GRM3: variants seen among roughly 807,000 people sequenced by gnomAD.
GRM3 encodes glutamate metabotropic receptor 3, also known as metabotropic glutamate receptor 3.
GRM3 carries 26 observed loss-of-function variants against 70.5 expected under a neutral mutation model. That is an observed-to-expected ratio of 0.37 (90% confidence interval 0.27 to 0.51). The LOEUF (loss-of-function observed/expected upper bound fraction) is 0.51, where lower values mean the gene tolerates loss of function less well. Ranked by LOEUF, GRM3 falls within the 20% of genes least tolerant of loss-of-function variation. The pLI is 0.93. For synonymous variants in GRM3, 443 were observed against 434.9 expected (o/e 1.02, Z -0.23); for missense variants, 859 against 1,123.8 (o/e 0.76, Z 3.37).
chr7:86,763,644 A>G (rs1347875697), intron 1 of GRM3, among the ~76,000 whole-genome samples: 1 of 152,146 alleles, frequency 6.6e-6, no homozygotes, highest in Non-Finnish European at 1.5e-5. Context: ...CTCAATTCAC[A>G]GTAGCTACAG....
rs1796236003 is a variant in GRM3 at position 86,751,689 on chromosome 7, T to C, written c.-140-13317T>C. Among the ~76,000 whole-genome samples the C allele has an allele frequency of 2.0e-5, 3 of 152,068 alleles. No individual in the cohort carries two copies. In the South Asian group the frequency reaches 6.2e-4, roughly 31 times the overall value. On this transcript the variant is annotated intron_variant, in intron 1 of 5. Coordinates refer to ENST00000361669, the MANE Select transcript of GRM3 (RefSeq NM_000840.3). ...TCAGGCAGTGTGTCACTGGTAGTAT[T>C]TGTCATTTACACCCAGACTCATGGT...
chr7:86,683,482 T>C (rs1794489972), intron 1 of GRM3, among the ~76,000 whole-genome samples: 1 of 152,146 alleles, frequency 6.6e-6, no homozygotes, highest in South Asian at 2.1e-4. Context: ...AGTTATGAGA[T>C]TTCATGAAGT....
rs183366153 is a variant in GRM3, at chr7:86,707,856, G to A, written c.-140-57150G>A. 2.0e-5 allele frequency among the ~76,000 whole-genome samples: 3 copies of A among 152,070 alleles called. 1 individual carries two copies. The highest frequency in any genetic ancestry group is 2.1e-4 in the South Asian group (1 of 4,818). On this transcript the variant is annotated intron_variant, in intron 1 of 5. Coordinates refer to ENST00000361669, the MANE Select transcript of GRM3 (RefSeq NM_000840.3). Reference sequence around the variant, plus strand: ...CATAAACCTAGTTTATTTAACAAACGATTATATAATATTTACCAAATGCCA... The same window carrying A: ...CATAAACCTAGTTTATTTAACAAACAATTATATAATATTTACCAAATGCCA...
In GRM3 at chr7:86,765,118, A is replaced by G; in HGVS notation, c.-28A>G. ...ATGACACATTGGCTCCACCATTGAT[A>G]TCTCCCAGAGGTACAGAAACAGGAT... On this transcript the variant is annotated 5_prime_UTR_variant, in exon 2 of 6. It adds an upstream start codon to the 5' untranslated region. Coordinates refer to ENST00000361669, the MANE Select transcript of GRM3 (RefSeq NM_000840.3). 6.5e-7 allele frequency: 1 copy of G among 1,532,992 alleles called. No homozygotes were observed. The highest frequency in any genetic ancestry group is 8.7e-7 in the Non-Finnish European group (1 of 1,146,550). 95.0% of individuals were successfully genotyped at this position (1,532,992 alleles called of 1,614,324 possible).
intron 1 of GRM3, among the ~76,000 whole-genome samples, chr7:86,761,548 C>T (rs1796480734): frequency 6.6e-6 from 1 of 152,044 alleles, no homozygotes; most frequent in African/African-American, 2.4e-5. Context: ...ATTTCCCATA[C>T]CATAAATAAA....
chr7:86,741,034 A>G (rs577479867), intron 1 of GRM3, among the ~76,000 whole-genome samples: 1 of 152,078 alleles, frequency 6.6e-6, no homozygotes, highest in South Asian at 2.1e-4. Flanking sequence ...GAAAACCATC[A>G]TCTCTCTCCC....
chr7:86,751,567 A>T (rs1416783709), intron 1 of GRM3, among the ~76,000 whole-genome samples: 1 of 152,134 alleles, frequency 6.6e-6, no homozygotes, highest in African/African-American at 2.4e-5. Context: ...AAGCTGTGAA[A>T]GTAACAGTTG....
chr7:86,680,715 A>G (rs1794421654), intron 1 of GRM3, among the ~76,000 whole-genome samples: 1 of 152,134 alleles, frequency 6.6e-6, no homozygotes, highest in South Asian at 2.1e-4. Context: ...AACTGTATAA[A>G]TAAGAAGCCC....
At chr7:86,820,905 A>G (rs921387030) in intron 3 of GRM3, among the ~76,000 whole-genome samples, 19 of 152,254 alleles carry the variant, frequency 1.2e-4, no homozygotes, top group African/African-American at 4.3e-4. Context: ...AGCAGAGATG[A>G]CCCCCAAGGT....
intron 1 of GRM3, among the ~76,000 whole-genome samples, chr7:86,654,328 C>G (rs1307455559): frequency 6.6e-6 from 1 of 152,164 alleles, no homozygotes; most frequent in Non-Finnish European, 1.5e-5. Context: ...CCCCACTCTC[C>G]CAAATATTTT....
At chr7:86,845,418 T>C (rs1203558114) in intron 4 of GRM3, among the ~76,000 whole-genome samples, 3 of 152,208 alleles carry the variant, frequency 2.0e-5, no homozygotes, top group Admixed American at 6.5e-5. Context: ...TAATGCATTT[T>C]TGATGCCTCC....
At chr7:86,784,040 GC>G (rs941483438) in intron 2 of GRM3, among the ~76,000 whole-genome samples, 3 of 152,102 alleles carry the variant, frequency 2.0e-5, no homozygotes, top group Non-Finnish European at 4.4e-5. Context: ...CTAGCCCACA[GC>G]CTTCCCCAAA....
Position 86,765,686 on chromosome 7 carries a change from A to C in GRM3, c.468+73A>C, listed in dbSNP as rs563970010. ...TATGTGTTGGGGGAACAAAAGGAAAATATCATAATAACGTCATCAACGGAT... is the reference window on the plus strand; with the variant it reads ...TATGTGTTGGGGGAACAAAAGGAAACTATCATAATAACGTCATCAACGGAT... On this transcript the variant is annotated intron_variant, in intron 2 of 5. Transcript: ENST00000361669. 12 of 1,212,304 alleles carry C rather than the reference A, an allele frequency of 9.9e-6. No homozygotes were observed. The African/African-American group carries it at 1.7e-4, about 17-fold the overall frequency. 75.1% of individuals were successfully genotyped at this position (1,212,304 alleles called of 1,614,324 possible). A position where few individuals can be genotyped will look rare whatever the true frequency, so the allele number is the denominator to read the frequency against.
Position 86,786,153 on chromosome 7 carries a change from G to A in GRM3, c.469-108G>A, listed in dbSNP as rs904657696. The A allele has an allele frequency of 5.5e-6, 5 of 906,626 alleles. No individual in the cohort carries two copies. The Admixed American group carries it at 6.7e-5, about 12-fold the overall frequency. The allele number at this position is 906,626 out of a possible 1,614,324, so 56.2% of individuals were successfully genotyped here. ...TAACAGAAAAATGTAGCCATCTAGAGTAGAGGGAAAAGGGAGTCAGTAAAA... is the reference window on the plus strand; with the variant it reads ...TAACAGAAAAATGTAGCCATCTAGAATAGAGGGAAAAGGGAGTCAGTAAAA... On this transcript the variant is annotated intron_variant, in intron 2 of 5. Coordinates refer to ENST00000361669, the MANE Select transcript of GRM3 (RefSeq NM_000840.3). This position sits in a 1 kb window ranked among gnomAD's most constrained non-coding sequence, Gnocchi z 6.0.
intron 3 of GRM3, chr7:86,832,983 C>A: frequency 1.0e-6 from 1 of 981,586 alleles, no homozygotes; most frequent in Non-Finnish European, 1.2e-6. Context: ...ATAAAAAATT[C>A]TTCCATCTTC....
At chr7:86,762,626 G>T (rs77058358) in intron 1 of GRM3, among the ~76,000 whole-genome samples, 3,261 of 152,114 alleles carry the variant, frequency 0.021, 103 homozygotes, top group African/African-American at 0.072. Context: ...AATCAAAATA[G>T]CAATAGCAAA....
intron 1 of GRM3, among the ~76,000 whole-genome samples, chr7:86,699,409 A>G (rs1794900738): frequency 6.6e-6 from 1 of 152,022 alleles, no homozygotes; most frequent in African/African-American, 2.4e-5. Flanking sequence ...ATTATTCTCA[A>G]TGGCTATTCC....
At chr7:86,788,633 T>C (rs747822622) in intron 3 of GRM3, among the ~76,000 whole-genome samples, 14 of 152,206 alleles carry the variant, frequency 9.2e-5, no homozygotes, top group Non-Finnish European at 1.8e-4. Context: ...TTAGTTCCTG[T>C]TGACATCTCT....
intron 3 of GRM3, among the ~76,000 whole-genome samples, chr7:86,821,063 G>T (rs142837547): frequency 6.6e-6 from 1 of 152,206 alleles, no homozygotes; most frequent in African/African-American, 2.4e-5. Flanking sequence ...TAATAGTCAC[G>T]CAAAACTTGG....
Sources: gnomAD v4.1 joint callset for allele counts (sites outside exome capture counted in the v4.1 genomes callset) on GRCh38, gnomAD v4.1.1 for gene constraint, Gnocchi (gnomAD v3.1) non-coding constraint, MANE v1.5 for transcripts, NCBI Gene and HGNC (gene_info 2026-07-23, HGNC 2026-07-21) for gene names.